The following YBEY variants were observed in gnomAD, a reference collection of about 807,000 sequenced individuals.
YBEY encodes the protein endoribonuclease YbeY.
YBEY carries 15 observed loss-of-function variants against 13.5 expected under a neutral mutation model. The observed-to-expected ratio is 1.11, with a 90% CI of 0.75 to 1.72. The LOEUF (loss-of-function observed/expected upper bound fraction) is 1.72. YBEY is among the 40% of genes most tolerant of loss of function. The pLI is 0.00. For synonymous variants in YBEY, 101 were observed against 83.1 expected (o/e 1.21, Z -1.17); for missense variants, 244 against 208.4 (o/e 1.17, Z -1.05).
intron 3 of YBEY, 131 bp downstream of exon 3, chr21:46,291,593 G>A: frequency 6.7e-7 from 1 of 1,495,882 alleles, no homozygotes; most frequent in Non-Finnish European, 8.9e-7. Flanking sequence ...GAACCTGTAA[G>A]CAGGGTGTGA....
chr21:46,302,662 C>A, downstream of YBEY: 1 of 1,095,906 alleles, frequency 9.1e-7, no homozygotes, highest in South Asian at 1.4e-5. Flanking sequence ...GACCAGAGAA[C>A]AGGTGTGTCT....
the YBEY span, among the ~76,000 whole-genome samples, chr21:46,307,904 C>A: frequency 2.0e-5 from 3 of 152,204 alleles, no homozygotes; most frequent in Non-Finnish European, 4.4e-5. Context: ...GACCATACCA[C>A]ATGTTGCCAA....
At chr21:46,309,564 C>A in the YBEY span, among the ~76,000 whole-genome samples, 5 of 152,054 alleles carry the variant, frequency 3.3e-5, no homozygotes, top group African/African-American at 1.2e-4. Flanking sequence ...GATATATTCA[C>A]ACAATGCAAT....
the YBEY span, chr21:46,311,706 ACCAACCAACCATCCACCCATCCAT>A: frequency 1.1e-5 from 5 of 448,588 alleles, no homozygotes; most frequent in South Asian, 3.6e-5. Flanking sequence ...CAACCAACCA[ACCAACCAACCATCCACCCATCCAT>A]CCAACCAACC....
chr21:46,298,816 C>T (rs183371505), downstream of YBEY, among the ~76,000 whole-genome samples: 253 of 152,112 alleles, frequency 1.7e-3, no homozygotes, highest in African/African-American at 5.8e-3. Flanking sequence ...CCTCTGCCTC[C>T]TGGGCTCAAG....
At chr21:46,290,905 C>T (rs78638549) in intron 2 of YBEY, among the ~76,000 whole-genome samples, 46,435 of 150,782 alleles carry the variant, frequency 0.31, 7,810 homozygotes, top group Middle Eastern at 0.39. Context: ...ATTAGCCGGG[C>T]GTGGTGGCGC....
chr21:46,293,055 ACTC>A (rs2081801918), intron 3 of YBEY, among the ~76,000 whole-genome samples: 2 of 4,880 alleles, frequency 4.1e-4, no homozygotes. Flanking sequence ...TGTGCCCGGG[ACTC>A]AGTGGGGACA....
chr21:46,287,125 T>TAAAAAAA lies in YBEY; in HGVS notation c.210+6_210+12dup, dbSNP rs58271568. ...GTGCTTTCTTTTCCATTTCATGAGG[T>TAAAAAAA]AAAAAAAAAATGTTCCTCTTCTTGT... On this transcript the variant is annotated splice_region_variant and intron_variant, in intron 2 of 4. Coordinates refer to ENST00000397701, the MANE Select transcript of YBEY (RefSeq NM_001314025.2). 3.6e-3 allele frequency: 5,418 copies of TAAAAAAA among 1,504,704 alleles called. 3 individuals carry two copies. Among genetic ancestry groups the TAAAAAAA allele is most frequent in the Non-Finnish European group, 4.0e-3 (4,422 of 1,117,366 alleles). 93.2% of individuals were successfully genotyped at this position (1,504,704 alleles called of 1,614,324 possible).
intron 3 of YBEY, among the ~76,000 whole-genome samples, chr21:46,292,704 G>A (rs9983890): frequency 2.5e-3 from 85 of 33,948 alleles, no homozygotes; most frequent in South Asian, 8.5e-3. Flanking sequence ...GGACAGCCAC[G>A]CAAGTTAGAC....
chr21:46,299,750 G>GCCCCCCCCCCCCCCCCCCCCC (rs545785598), downstream of YBEY, among the ~76,000 whole-genome samples: 28 of 147,204 alleles, frequency 1.9e-4, no homozygotes, highest in African/African-American at 5.3e-4. Context: ...TGTGCCCTGA[G>GCCCCCCCCCCCCCCCCCCCCC]CCCCCCCCAC....
downstream of YBEY, chr21:46,301,491 T>G: frequency 1.0e-6 from 1 of 984,224 alleles, no homozygotes; most frequent in South Asian, 4.7e-5. Flanking sequence ...CAGGTGTCCC[T>G]AGTTATTAAA....
chr21:46,289,452 T>TG (rs2081603219), intron 2 of YBEY, among the ~76,000 whole-genome samples: 4 of 137,434 alleles, frequency 2.9e-5, no homozygotes, highest in South Asian at 4.8e-4. Context: ...TTTTGTTTTT[T>TG]TTTTTTTTTT....
the YBEY span, among the ~76,000 whole-genome samples, chr21:46,303,233 G>A: frequency 6.6e-6 from 1 of 152,082 alleles, no homozygotes; most frequent in Non-Finnish European, 1.5e-5. Context: ...CAGCTACTCA[G>A]GAGGCTGAGG....
chr21:46,296,211 C>G lies in YBEY; in HGVS notation c.389C>G (p.Thr130Arg). 1 of 1,613,766 alleles carries G rather than the reference C, an allele frequency of 6.2e-7. No homozygotes were observed. The highest frequency in any genetic ancestry group is 8.5e-7 in the Non-Finnish European group (1 of 1,180,008). The change falls in exon 4 of 5, where the codon ACG (threonine) becomes AGG (arginine). Residue 130 changes from threonine to arginine, a missense_variant. Physicochemically the swap from Thr to Arg is moderately conservative, Grantham distance 71 (BLOSUM62 -1). Transcript: ENST00000397701. ...CACTTGCTGGGATTCACACACGGCA[C>G]GGAGGCAGAGTGGCAGCAGGTAAGG... ...LCHLLGFTHG[T>R]EAEWQQMFQK...
At chr21:46,287,300 T>G (rs920856874) in intron 2 of YBEY, among the ~76,000 whole-genome samples, 177 bp downstream of exon 2, 6 of 152,144 alleles carry the variant, frequency 3.9e-5, no homozygotes, top group African/African-American at 1.2e-4. Context: ...TTCAAGTGAT[T>G]CTTTTGCCTC....
At chr21:46,302,094 G>GGTA (rs35902237), downstream of YBEY, 1 of 1,532,200 alleles carries the variant, frequency 6.5e-7, no homozygotes. Context: ...TGGTGGTGGT[G>GGTA]CACGGCAGGC....
intron 3 of YBEY, among the ~76,000 whole-genome samples, chr21:46,292,591 T>C (rs4819228): frequency 0.29 from 21,929 of 76,850 alleles, 1,709 homozygotes; most frequent in East Asian, 0.49. Flanking sequence ...CTCCCGCGGT[T>C]AGCCTGACCC....
downstream of YBEY, chr21:46,300,452 GAAAGA>G: frequency 4.7e-6 from 1 of 214,172 alleles, no homozygotes; most frequent in Non-Finnish European, 9.1e-6. Flanking sequence ...ATTTTTAATA[GAAAGA>G]AAGAAATGCC....
At position 46,291,453 on chromosome 21, in the gene YBEY, C is replaced by T. The variant is rs753613797; in HGVS notation, c.330C>T (p.Asp110=). 1.2e-5 allele frequency: 19 copies of T among 1,613,710 alleles called. No homozygotes were observed. Among genetic ancestry groups the T allele is most frequent in the East Asian group, 4.5e-5 (2 of 44,870 alleles). ...HQCKENEDYN[D]VLTVTATHGL... ...GTAAAGAAAATGAAGATTACAATGACGTCCTGACTGTAAGCGGGGATGCTG... is the reference window on the plus strand; with the variant it reads ...GTAAAGAAAATGAAGATTACAATGATGTCCTGACTGTAAGCGGGGATGCTG... The change falls in exon 3 of 5, where the codon GAC becomes GAT. Residue 110 remains aspartate (D), a synonymous_variant. Transcript: ENST00000397701.
Sources: gnomAD v4.1 joint callset for allele counts (sites outside exome capture counted in the v4.1 genomes callset) on GRCh38, gnomAD v4.1.1 for gene constraint, MANE v1.5 for transcripts, NCBI Gene and HGNC (gene_info 2026-07-23, HGNC 2026-07-21) for gene names.